Variants in SGMS1 observed in about 807,000 individuals in gnomAD.
The protein encoded by SGMS1 is sphingomyelin synthase 1, also known as phosphatidylcholine:ceramide cholinephosphotransferase 1.
SGMS1 carries 13 observed loss-of-function variants against 46.2 expected under a neutral mutation model. That is an observed-to-expected ratio of 0.28 (90% CI 0.18 to 0.45). The LOEUF is 0.45. Ranked by LOEUF, SGMS1 falls within the 20% of genes least tolerant of loss-of-function variation. The pLI, the probability that SGMS1 is intolerant of heterozygous loss-of-function variation, is 1.00. For missense variants in SGMS1, 324 were observed against 519.9 expected (o/e 0.62, Z 3.66); for synonymous variants, 203 against 187.8 (o/e 1.08, Z -0.66).
chr10:50,373,277 G>GC (rs1251070728), intron 6 of SGMS1, among the ~76,000 whole-genome samples: 6 of 152,174 alleles, frequency 3.9e-5, no homozygotes, highest in Non-Finnish European at 8.8e-5. Flanking sequence ...GCACATCTGA[G>GC]CAACACAGTA....
At chr10:50,587,193 C>A (rs1310092655) in intron 2 of SGMS1, among the ~76,000 whole-genome samples, 1 of 151,408 alleles carries the variant, frequency 6.6e-6, no homozygotes, top group African/African-American at 2.4e-5. Context: ...TAAGGGGCCA[C>A]TTAAAGGCAG....
chr10:50,492,890 C>A (rs1837578602), intron 3 of SGMS1, among the ~76,000 whole-genome samples: 1 of 152,132 alleles, frequency 6.6e-6, no homozygotes, highest in South Asian at 2.1e-4. Flanking sequence ...GGCCAAAAGA[C>A]CCACTTAAAC....
upstream of SGMS1, chr10:50,624,686 C>A (rs1339367576): frequency 1.0e-6 from 1 of 985,350 alleles, no homozygotes; most frequent in East Asian, 1.1e-4. Context: ...TGCCCAGTAG[C>A]CCCACGTGGT....
intron 5 of SGMS1, among the ~76,000 whole-genome samples, chr10:50,444,937 G>A (rs980439992): frequency 6.6e-6 from 1 of 151,992 alleles, no homozygotes; most frequent in African/African-American, 2.4e-5. Context: ...CCACCAACTG[G>A]AAAAAATTCA....
At chr10:50,457,369 T>A (rs1389610520) in intron 5 of SGMS1, among the ~76,000 whole-genome samples, 1 of 152,216 alleles carries the variant, frequency 6.6e-6, no homozygotes, top group Admixed American at 6.5e-5. Flanking sequence ...TTACCAAATT[T>A]TCTTTTTTTC....
At chr10:50,624,678 C>G, upstream of SGMS1, 1 of 985,446 alleles carries the variant, frequency 1.0e-6, no homozygotes, top group Non-Finnish European at 1.2e-6. Context: ...CCCGCGCATG[C>G]CCAGTAGCCC....
intron 6 of SGMS1, among the ~76,000 whole-genome samples, chr10:50,353,494 CA>C (rs1157309163): frequency 2.0e-5 from 3 of 152,294 alleles, no homozygotes; most frequent in African/African-American, 4.8e-5. Flanking sequence ...AATGAATGGG[CA>C]AAAACTGGAA....
intron 8 of SGMS1, among the ~76,000 whole-genome samples, chr10:50,311,733 T>C (rs1847256733): frequency 6.6e-6 from 1 of 152,238 alleles, no homozygotes; most frequent in Non-Finnish European, 1.5e-5. Context: ...ACTGACTGAA[T>C]AATTGCTTTA....
At chr10:50,588,513 T>G (rs950414355) in intron 2 of SGMS1, among the ~76,000 whole-genome samples, 2 of 152,240 alleles carry the variant, frequency 1.3e-5, no homozygotes, top group African/African-American at 4.8e-5. Flanking sequence ...GAACATGTCT[T>G]TGAGATTTTA....
At chr10:50,548,455 T>C (rs1287153281) in intron 2 of SGMS1, among the ~76,000 whole-genome samples, 3 of 152,106 alleles carry the variant, frequency 2.0e-5, no homozygotes, top group African/African-American at 7.2e-5. Context: ...AAACAAGCAA[T>C]GGGGAAATGA....
At chr10:50,402,800 T>C (rs1848960330) in intron 6 of SGMS1, among the ~76,000 whole-genome samples, 1 of 151,950 alleles carries the variant, frequency 6.6e-6, no homozygotes. Flanking sequence ...GGATGATTTG[T>C]ATAGTGAAGT....
intron 6 of SGMS1, among the ~76,000 whole-genome samples, chr10:50,397,511 C>T (rs181750109): frequency 4.6e-5 from 7 of 152,294 alleles, no homozygotes; most frequent in Non-Finnish European, 1.0e-4. Flanking sequence ...CAACTGATCA[C>T]AGCTCACTCT....
At chr10:50,536,048 T>C (rs1359475806) in intron 2 of SGMS1, among the ~76,000 whole-genome samples, 1 of 152,152 alleles carries the variant, frequency 6.6e-6, no homozygotes, top group Non-Finnish European at 1.5e-5. Context: ...AAAATCCTCA[T>C]TTCCAGCTGG....
chr10:50,533,338 T>C (rs193288146), intron 2 of SGMS1, among the ~76,000 whole-genome samples: 69 of 152,314 alleles, frequency 4.5e-4, no homozygotes, highest in African/African-American at 1.3e-3. Context: ...TTTTTTCCCC[T>C]TAATTCAAAA....
At chr10:50,310,901 A>C (rs796768165) in intron 9 of SGMS1, among the ~76,000 whole-genome samples, 9 of 152,168 alleles carry the variant, frequency 5.9e-5, no homozygotes, top group Admixed American at 5.2e-4. Flanking sequence ...ATCAACACAT[A>C]ATCTACCATC....
intron 2 of SGMS1, among the ~76,000 whole-genome samples, chr10:50,582,144 C>T (rs1239816004): frequency 6.6e-6 from 1 of 152,192 alleles, no homozygotes; most frequent in African/African-American, 2.4e-5. Context: ...TTTTTCCTTG[C>T]TTTCATAGCT....
chr10:50,311,263 C>A lies in SGMS1; in HGVS notation c.894G>T (p.Glu298Asp), dbSNP rs761654200. 1 of 1,612,774 alleles carries A rather than the reference C, an allele frequency of 6.2e-7. No individual in the cohort carries two copies. Among genetic ancestry groups the A allele is most frequent in the East Asian group, 2.2e-5 (1 of 44,888 alleles). The stretch of plus-strand genomic sequence containing the variant: ...ACAATGGAAGTCTTTTAGACTTACA[C>A]TCTTTGATAAATAAGTAGGTAAGTG... ...MLTLTYLFIKEYSPRRLWWYH... is the reference protein window; with the variant it reads ...MLTLTYLFIKDYSPRRLWWYH... The change falls in exon 9 of 11, where the codon GAG (glutamate) becomes GAT (aspartate). Residue 298 changes from glutamate (E) to aspartate (D), a missense_variant and splice_region_variant. Coordinates refer to ENST00000361781, the MANE Select transcript of SGMS1 (RefSeq NM_147156.4).
intron 2 of SGMS1, among the ~76,000 whole-genome samples, chr10:50,542,484 G>T (rs1838061982): frequency 6.6e-6 from 1 of 151,804 alleles, no homozygotes. Context: ...CCTGGGCTTA[G>T]AGCAGAAAAT....
chr10:50,384,389 C>T (rs925144627), intron 6 of SGMS1, among the ~76,000 whole-genome samples: 16 of 150,972 alleles, frequency 1.1e-4, no homozygotes, highest in South Asian at 4.2e-4. Flanking sequence ...TTCTTTTTCT[C>T]TCTCTCTCTC....
Sources: gnomAD v4.1 joint callset for allele counts (sites outside exome capture counted in the v4.1 genomes callset) on GRCh38, gnomAD v4.1.1 for gene constraint, MANE v1.5 for transcripts, NCBI Gene and HGNC (gene_info 2026-07-23, HGNC 2026-07-21) for gene names.